USP40: variants seen among roughly 807,000 people sequenced by gnomAD.
USP40 encodes ubiquitin carboxyl-terminal hydrolase 40.
In USP40, 143 loss-of-function variants were observed where a neutral mutation model predicts 166.2. That is an observed-to-expected ratio of 0.86 (90% CI 0.75 to 0.99). USP40 has a LOEUF of 0.99. Ranked by LOEUF, USP40 falls within the 50% of genes least tolerant of loss-of-function variation. USP40 has a pLI of 0.00. For missense variants in USP40, 1,444 were observed against 1,479.7 expected, an observed-to-expected ratio of 0.98 and a Z score of 0.40; for synonymous variants, 498 against 524.0, an observed-to-expected ratio of 0.95 and a Z score of 0.68.
chr2:233,541,735 C>G (rs928254543), intron 9 of USP40, among the ~76,000 whole-genome samples: 1 of 152,136 alleles, frequency 6.6e-6, no homozygotes, highest in African/African-American at 2.4e-5. Flanking sequence ...GCATATTAAA[C>G]AAACTTTAAA....
At chr2:233,534,857 A>G (rs183005718) in intron 10 of USP40, among the ~76,000 whole-genome samples, 3 of 152,356 alleles carry the variant, frequency 2.0e-5, no homozygotes, top group Admixed American at 1.3e-4. Flanking sequence ...AGCCTCAAAC[A>G]TCAGTGCAGT....
At chr2:233,479,441 T>G (rs1255568880) in intron 31 of USP40, among the ~76,000 whole-genome samples, 1 of 151,948 alleles carries the variant, frequency 6.6e-6, no homozygotes, top group African/African-American at 2.4e-5. Flanking sequence ...TGCACGCCTG[T>G]AGTACCAGCT....
rs565899190 is a variant in USP40, at chr2:233,488,914, A to G, written c.3131+451T>C. ...AGAGCCAGACCCTGTCTATTAAGAA[A>G]AGAAAGAAAAGGAAAGAAAGGAAAG... On this transcript the variant is annotated intron_variant, in intron 27 of 31. Coordinates refer to ENST00000678225, the MANE Select transcript of USP40 (RefSeq NM_001365479.2). 2.0e-5 allele frequency among the ~76,000 whole-genome samples: 3 copies of G among 152,276 alleles called. No homozygotes were observed. In the East Asian group the frequency reaches 5.8e-4, roughly 29 times the overall value.
At chr2:233,511,231 G>A (rs1411876666) in intron 20 of USP40, among the ~76,000 whole-genome samples, 5 of 152,178 alleles carry the variant, frequency 3.3e-5, no homozygotes, top group Non-Finnish European at 7.3e-5. Context: ...GGGAAAGGGA[G>A]GCTGCTCTGA....
Position 233,481,301 on chromosome 2 carries a change from C to T in USP40, c.3505-4G>A, listed in dbSNP as rs1215915847. ...CATCGTCGTCAATCAGGAGATTCTA[C>T]ATTTCAAAAGAAGTAATGAGCAGTG... On this transcript the variant is annotated splice_polypyrimidine_tract_variant and splice_region_variant and intron_variant, in intron 30 of 31. Coordinates refer to ENST00000678225, the MANE Select transcript of USP40 (RefSeq NM_001365479.2). 2 of 1,590,222 alleles carry T rather than the reference C, an allele frequency of 1.3e-6. No individual in the cohort carries two copies. Among genetic ancestry groups the T allele is most frequent in the African/African-American group, 2.7e-5 (2 of 74,608 alleles).
intron 30 of USP40, among the ~76,000 whole-genome samples, chr2:233,482,826 G>A (rs1020445827): frequency 1.1e-4 from 16 of 152,150 alleles, no homozygotes; most frequent in African/African-American, 2.9e-4. Flanking sequence ...GAGCCACTGC[G>A]CCTGGCCATG....
chr2:233,516,223 T>C (rs1248655315), intron 18 of USP40, among the ~76,000 whole-genome samples: 1 of 152,240 alleles, frequency 6.6e-6, no homozygotes, highest in Non-Finnish European at 1.5e-5. Context: ...TGAAATCAGA[T>C]AGTGTAACTC....
chr2:233,494,317 G>C (rs902233877), intron 24 of USP40, among the ~76,000 whole-genome samples: 3 of 151,368 alleles, frequency 2.0e-5, no homozygotes, highest in African/African-American at 7.3e-5. Context: ...AGAAAATTAT[G>C]TTGGTGAAAA....
At chr2:233,518,251 T>TAAAAAAAAAAA in intron 18 of USP40, among the ~76,000 whole-genome samples, 1 of 49,798 alleles carries the variant, frequency 2.0e-5, no homozygotes, top group Non-Finnish European at 3.4e-5. Flanking sequence ...TAACAGATTC[T>TAAAAAAAAAAA]AAAAAAAAAA....
Position 233,551,521 on chromosome 2 carries a change from T to A in USP40, c.694-2A>T, listed in dbSNP as rs1461871708. Reference sequence around the variant, plus strand: ...AGGCAGCTTACGTAATTTGGCCGACTGTTAAAAGAAAAATTTACAAAGCTT... The same window carrying A: ...AGGCAGCTTACGTAATTTGGCCGACAGTTAAAAGAAAAATTTACAAAGCTT... On this transcript the variant is annotated splice_acceptor_variant, in intron 6 of 31. Coordinates refer to ENST00000678225, the MANE Select transcript of USP40 (RefSeq NM_001365479.2). LOFTEE classifies it high-confidence loss of function. The A allele has an allele frequency of 6.3e-7, 1 of 1,582,638 alleles. No individual in the cohort carries two copies. The highest frequency in any genetic ancestry group is 2.3e-5 in the East Asian group (1 of 44,358).
chr2:233,506,175 G>C (rs183821817), intron 21 of USP40, among the ~76,000 whole-genome samples: 14 of 152,234 alleles, frequency 9.2e-5, no homozygotes, highest in Admixed American at 4.6e-4. Context: ...CCAGAATAAA[G>C]AGCCCAGAAA....
intron 11 of USP40, among the ~76,000 whole-genome samples, chr2:233,530,521 C>T (rs1001162864): frequency 6.6e-5 from 10 of 152,144 alleles, no homozygotes; most frequent in Non-Finnish European, 8.8e-5. Context: ...CTGGTTTAAA[C>T]GGTATGACAG....
chr2:233,493,272 G>T lies in USP40; in HGVS notation c.2917+153C>A. 1.9e-6 allele frequency: 2 copies of T among 1,035,934 alleles called. No individual in the cohort carries two copies. Among genetic ancestry groups the T allele is most frequent in the Non-Finnish European group, 2.9e-6 (2 of 701,380 alleles). 64.2% of individuals were successfully genotyped at this position (1,035,934 alleles called of 1,614,324 possible). A position where few individuals can be genotyped will look rare whatever the true frequency, so the allele number is the denominator to read the frequency against. ...AGAAATGGCACAGTGTTATTATTAT[G>T]TGATGTCTGGAATGACTTATGAAAT... On this transcript the variant is annotated intron_variant, in intron 25 of 31. Coordinates refer to ENST00000678225, the MANE Select transcript of USP40 (RefSeq NM_001365479.2). The surrounding 1 kb of genome is among the most constrained non-coding windows in gnomAD (Gnocchi z 4.7).
At chr2:233,548,597 G>A (rs2070225082) in intron 8 of USP40, among the ~76,000 whole-genome samples, 1 of 152,120 alleles carries the variant, frequency 6.6e-6, no homozygotes, top group South Asian at 2.1e-4. Flanking sequence ...GGGAAAAATT[G>A]CCATGAAGGA....
At chr2:233,498,471 A>T in intron 23 of USP40, 77 bp downstream of exon 23, 1 of 1,282,508 alleles carries the variant, frequency 7.8e-7, no homozygotes, top group Non-Finnish European at 1.1e-6. Context: ...CTTTCTCATG[A>T]GTGGAATGGG....
intron 12 of USP40, among the ~76,000 whole-genome samples, chr2:233,528,501 C>T (rs1380305624): frequency 6.6e-6 from 1 of 152,226 alleles, no homozygotes; most frequent in Non-Finnish European, 1.5e-5. Context: ...GGTCAGAGAG[C>T]ACAACCACAC....
chr2:233,526,221 T>C (rs1251736421), intron 13 of USP40, among the ~76,000 whole-genome samples: 3 of 152,234 alleles, frequency 2.0e-5, no homozygotes, highest in Non-Finnish European at 4.4e-5. Context: ...TTAAGTTTTC[T>C]AGCCTCTTGT....
At chr2:233,529,993 T>A (rs1237864779) in intron 11 of USP40, among the ~76,000 whole-genome samples, 1 of 150,982 alleles carries the variant, frequency 6.6e-6, no homozygotes. Flanking sequence ...AGAGACAGGG[T>A]TTCGCCATGT....
At chr2:233,490,151 T>C (rs904252926) in intron 26 of USP40, among the ~76,000 whole-genome samples, 5 of 151,412 alleles carry the variant, frequency 3.3e-5, no homozygotes, top group Admixed American at 6.6e-5. Context: ...GTCTGCTTTT[T>C]CTTTTCTCCT....
Sources: allele counts gnomAD v4.1 joint callset (sites outside exome capture counted in the v4.1 genomes callset), GRCh38; gene constraint gnomAD v4.1.1; non-coding constraint Gnocchi (gnomAD v3.1); transcripts MANE v1.5; gene names NCBI Gene and HGNC (gene_info 2026-07-23, HGNC 2026-07-21).